Variants in SOX5 observed in about 807,000 individuals in gnomAD.
The protein encoded by SOX5 is SRY-box transcription factor 5.
Under a neutral mutation model 92.0 loss-of-function variants are expected in SOX5, and 9 were observed. The observed-to-expected ratio is 0.10, with a 90% CI of 0.06 to 0.17. The LOEUF (loss-of-function observed/expected upper bound fraction) is 0.17, where lower values mean the gene tolerates loss of function less well. SOX5 is among the 10% of genes least tolerant of loss of function. SOX5 has a pLI of 1.00. For missense variants in SOX5, 642 were observed against 944.5 expected, an observed-to-expected ratio of 0.68 and a Z score of 4.20; for synonymous variants, 344 against 336.3, an observed-to-expected ratio of 1.02 and a Z score of -0.25.
At chr12:23,697,859 A>G (rs189258980) in intron 6 of SOX5, among the ~76,000 whole-genome samples, 1 of 152,224 alleles carries the variant, frequency 6.6e-6, no homozygotes, top group Non-Finnish European at 1.5e-5. Flanking sequence ...CTGATAATTT[A>G]CATTTAATAA....
chr12:23,687,752 T>C lies in SOX5; in HGVS notation c.811-22188A>G, dbSNP rs552348655. ...AACACACTGAATAATGAGCTCAATC[T>C]ATAATAATTGAAAAAGAACCATTTA... On this transcript the variant is annotated intron_variant, in intron 6 of 14. Coordinates refer to ENST00000451604, the MANE Select transcript of SOX5 (RefSeq NM_006940.6). Among the ~76,000 whole-genome samples the C allele has an allele frequency of 2.0e-5, 3 of 152,134 alleles. No individual in the cohort carries two copies. The East Asian group carries it at 5.8e-4, about 29-fold the overall frequency.
intron 2 of SOX5, among the ~76,000 whole-genome samples, chr12:24,300,395 T>A (rs1337124795): frequency 6.6e-6 from 1 of 152,190 alleles, no homozygotes; most frequent in Non-Finnish European, 1.5e-5. Flanking sequence ...AAATGAACTT[T>A]TACCTGATGG....
At chr12:23,871,878 A>T (rs2096876207) in intron 2 of SOX5, among the ~76,000 whole-genome samples, 1 of 152,126 alleles carries the variant, frequency 6.6e-6, no homozygotes, top group Admixed American at 6.5e-5. Context: ...CCCTGTCTAT[A>T]ACAATAGAGT....
At chr12:24,383,637 T>C (rs1435301712) in intron 1 of SOX5, among the ~76,000 whole-genome samples, 1 of 152,198 alleles carries the variant, frequency 6.6e-6, no homozygotes, top group South Asian at 2.1e-4. Flanking sequence ...AGTAGCAGCT[T>C]GGTTATCAGA....
intron 1 of SOX5, among the ~76,000 whole-genome samples, chr12:24,521,265 G>C (rs145217960): frequency 0.011 from 1,734 of 152,056 alleles, 14 homozygotes; most frequent in Middle Eastern, 0.02. Flanking sequence ...ATGTTGGCCA[G>C]GCTGGTCTCA....
rs1939768944 is a variant in SOX5, at chr12:23,534,496, G to C, written c.2015C>G (p.Thr672Ser). ...VGQQAQIPIA[T>S]AGVVYPGAIA... ...GGCTCCAGGGTACACAACACCAGCAGTGGCAATGGGGATCTGTGCTTGTTG... is the reference window on the plus strand; with the variant it reads ...GGCTCCAGGGTACACAACACCAGCACTGGCAATGGGGATCTGTGCTTGTTG... The change falls in exon 15 of 15, where the codon ACT becomes AGT. Residue 672 changes from threonine to serine, a missense_variant. Around this residue, in one of 8 missense-constraint regions of SOX5, gnomAD observed 130 missense variants for 140.6 expected, o/e 0.92. Coordinates refer to ENST00000451604, the MANE Select transcript of SOX5 (RefSeq NM_006940.6). The C allele has an allele frequency of 6.2e-7, 1 of 1,613,206 alleles. No homozygotes were observed. Among genetic ancestry groups the C allele is most frequent in the Admixed American group, 1.7e-5 (1 of 59,994 alleles).
At chr12:23,760,276 C>T (rs1329983664) in intron 3 of SOX5, among the ~76,000 whole-genome samples, 1 of 152,012 alleles carries the variant, frequency 6.6e-6, no homozygotes, top group African/African-American at 2.4e-5. Context: ...AGATGCTTTG[C>T]CCAACATCAG....
intron 4 of SOX5, among the ~76,000 whole-genome samples, chr12:24,099,078 C>A (rs1318002031): frequency 1.3e-5 from 2 of 152,186 alleles, no homozygotes; most frequent in Non-Finnish European, 2.9e-5. Context: ...ATCCCCCAAT[C>A]TCTGGCTAGG....
chr12:23,989,110 A>G (rs780626023), intron 4 of SOX5, among the ~76,000 whole-genome samples: 1 of 150,772 alleles, frequency 6.6e-6, no homozygotes, highest in Non-Finnish European at 1.5e-5. Flanking sequence ...GCGTTGGCTC[A>G]TGTCTGTAAT....
chr12:23,927,063 A>G (rs150249407), intron 1 of SOX5, among the ~76,000 whole-genome samples: 3 of 152,286 alleles, frequency 2.0e-5, no homozygotes, highest in Admixed American at 2.0e-4. Context: ...TAGAGAACCT[A>G]ATTTTAAAAA....
At chr12:23,833,384 G>A (rs556535608) in intron 3 of SOX5, among the ~76,000 whole-genome samples, 2 of 151,952 alleles carry the variant, frequency 1.3e-5, no homozygotes, top group South Asian at 2.1e-4. Flanking sequence ...CCTAGAAAAG[G>A]GTGCTTGTCT....
chr12:23,942,008 T>C (rs1207657753), intron 1 of SOX5, among the ~76,000 whole-genome samples: 1 of 151,086 alleles, frequency 6.6e-6, no homozygotes, highest in Non-Finnish European at 1.5e-5. Flanking sequence ...TTGAAAACCA[T>C]TGCCCAACAA....
chr12:24,447,346 T>C (rs1324534756), intron 1 of SOX5, among the ~76,000 whole-genome samples: 1 of 152,064 alleles, frequency 6.6e-6, no homozygotes, highest in African/African-American at 2.4e-5. Context: ...GCCCCATCCA[T>C]CCATGAGGAA....
intron 1 of SOX5, among the ~76,000 whole-genome samples, chr12:24,527,835 A>G (rs1950849391): frequency 6.6e-6 from 1 of 152,250 alleles, no homozygotes; most frequent in Non-Finnish European, 1.5e-5. Context: ...AACAAAAACA[A>G]AAACACTTTT....
intron 7 of SOX5, among the ~76,000 whole-genome samples, chr12:23,663,661 C>T (rs1335931932): frequency 6.6e-6 from 1 of 151,872 alleles, no homozygotes; most frequent in Non-Finnish European, 1.5e-5. Flanking sequence ...AAAAACACAT[C>T]TGTGGCATGT....
intron 2 of SOX5, among the ~76,000 whole-genome samples, chr12:24,367,565 G>C (rs541540512): frequency 5.3e-4 from 81 of 152,162 alleles, no homozygotes; most frequent in African/African-American, 1.9e-3. Flanking sequence ...AAACCAAGAG[G>C]TTCATTCAAA....
At chr12:23,552,452 G>C (rs576219500) in intron 11 of SOX5, among the ~76,000 whole-genome samples, 1 of 151,640 alleles carries the variant, frequency 6.6e-6, no homozygotes, top group African/African-American at 2.4e-5. Flanking sequence ...ATTAAACCTT[G>C]TTGTCATAAT....
Position 23,873,417 on chromosome 12 carries a change from G to A in SOX5, c.270+22376C>T, listed in dbSNP as rs548639307. Among the ~76,000 whole-genome samples the A allele has an allele frequency of 1.4e-4, 21 of 152,278 alleles. No homozygotes were observed. In the East Asian group the frequency reaches 2.5e-3, roughly 18 times the overall value. On this transcript the variant is annotated intron_variant, in intron 2 of 14. Transcript: ENST00000451604. ...GATCCCAGGAGGTCAAGGCTGCAGC[G>A]AGCCAAGATAGTGCCACTGTACTCC... is the stretch of plus-strand genomic sequence containing the variant.
At chr12:24,332,101 C>T (rs768969917) in intron 2 of SOX5, among the ~76,000 whole-genome samples, 2 of 151,920 alleles carry the variant, frequency 1.3e-5, no homozygotes, top group Non-Finnish European at 2.9e-5. Context: ...TACCATAGTA[C>T]TTCTTAGAAC....
Sources: gnomAD v4.1 joint callset for allele counts (sites outside exome capture counted in the v4.1 genomes callset) on GRCh38, gnomAD v4.1.1 for gene constraint, gnomAD v4.1.1 regional missense constraint, MANE v1.5 for transcripts, NCBI Gene and HGNC (gene_info 2026-07-23, HGNC 2026-07-21) for gene names.